The following CTNNA2 variants were observed in gnomAD, a reference collection of about 807,000 sequenced individuals.
CTNNA2 encodes catenin alpha 2.
CTNNA2 carries 42 observed loss-of-function variants against 101.0 expected under a neutral mutation model. That is an observed-to-expected ratio of 0.42 (90% CI 0.32 to 0.54). The LOEUF is 0.54. Among genes scored for constraint, CTNNA2 ranks in the 20% least tolerant of loss-of-function variants. The pLI is 0.14. For synonymous variants in CTNNA2, 450 were observed against 456.4 expected (o/e 0.99, Z 0.18); for missense variants, 871 against 1,223.1 (o/e 0.71, Z 4.29).
chr2:79,277,266 A>G (rs746568778), intron 2 of CTNNA2, among the ~76,000 whole-genome samples: 5 of 152,034 alleles, frequency 3.3e-5, no homozygotes, highest in African/African-American at 7.2e-5. Context: ...ATTAAAAGCT[A>G]TTTATCTTTC....
At chr2:80,396,246 C>A (rs1386334108) in intron 8 of CTNNA2, among the ~76,000 whole-genome samples, 2 of 152,150 alleles carry the variant, frequency 1.3e-5, no homozygotes, top group East Asian at 3.9e-4. Flanking sequence ...CCCAAAGGTA[C>A]CATTTAAAAC....
chr2:80,037,554 C>A (rs1190263831), intron 7 of CTNNA2, among the ~76,000 whole-genome samples: 2 of 152,168 alleles, frequency 1.3e-5, no homozygotes, highest in Non-Finnish European at 2.9e-5. Context: ...AATGCCTAGT[C>A]TGTGACTGTG....
At chr2:80,155,182 A>G (rs1460225524) in intron 7 of CTNNA2, among the ~76,000 whole-genome samples, 1 of 152,210 alleles carries the variant, frequency 6.6e-6, no homozygotes, top group Non-Finnish European at 1.5e-5. Context: ...TAGAAAAGAA[A>G]CAATCTCTTG....
At chr2:79,522,631 C>T (rs1411729119) in intron 1 of CTNNA2, among the ~76,000 whole-genome samples, 1 of 152,124 alleles carries the variant, frequency 6.6e-6, no homozygotes, top group Non-Finnish European at 1.5e-5. Context: ...CTGTCTTGGT[C>T]TGGGAACTGG....
intron 3 of CTNNA2, among the ~76,000 whole-genome samples, chr2:79,320,947 G>T (rs1676607226): frequency 6.6e-6 from 1 of 152,170 alleles, no homozygotes; most frequent in African/African-American, 2.4e-5. Context: ...GACTAACTGT[G>T]TGTTTAACTT....
intron 9 of CTNNA2, among the ~76,000 whole-genome samples, chr2:80,531,708 C>T (rs1332464267): frequency 6.6e-6 from 1 of 152,114 alleles, no homozygotes; most frequent in African/African-American, 2.4e-5. Flanking sequence ...TTTAAGGAGA[C>T]CTGGGAGGGG....
intron 3 of CTNNA2, among the ~76,000 whole-genome samples, chr2:79,345,582 G>A (rs895605972): frequency 2.6e-5 from 4 of 152,136 alleles, no homozygotes; most frequent in East Asian, 3.9e-4. Context: ...ATTAGTCACG[G>A]TAAAGCATAA....
At chr2:79,720,822 A>C (rs1686432979) in intron 2 of CTNNA2, among the ~76,000 whole-genome samples, 1 of 152,012 alleles carries the variant, frequency 6.6e-6, no homozygotes, top group African/African-American at 2.4e-5. Flanking sequence ...ATCTTCAGGG[A>C]AGATAGTTTT....
intron 2 of CTNNA2, among the ~76,000 whole-genome samples, chr2:79,288,804 A>G (rs1208518632): frequency 6.6e-6 from 1 of 152,204 alleles, no homozygotes; most frequent in Non-Finnish European, 1.5e-5. Context: ...TGCCATATTA[A>G]AAGAGTGAAG....
intron 2 of CTNNA2, among the ~76,000 whole-genome samples, chr2:79,260,687 G>A (rs375136023): frequency 2.0e-5 from 3 of 152,042 alleles, no homozygotes; most frequent in African/African-American, 7.2e-5. Context: ...CTGGTGCCCC[G>A]GGTGGTTAGA....
At chr2:79,857,920 A>G (rs1472535275) in intron 3 of CTNNA2, 93 bp from the exon 4 acceptor site, 4 of 1,350,870 alleles carry the variant, frequency 3.0e-6, no homozygotes, top group African/African-American at 1.4e-5. Flanking sequence ...GAGTTTTGCA[A>G]TAAAAACAGT....
intron 2 of CTNNA2, among the ~76,000 whole-genome samples, chr2:79,273,949 C>T (rs1675147455): frequency 1.3e-5 from 2 of 151,996 alleles, no homozygotes; most frequent in Non-Finnish European, 2.9e-5. Context: ...ATCTGAGCAC[C>T]TTGGAGGCAT....
chr2:79,226,464 C>T (rs1558579557), intron 2 of CTNNA2, among the ~76,000 whole-genome samples: 3 of 141,062 alleles, frequency 2.1e-5, no homozygotes, highest in Non-Finnish European at 3.1e-5. Flanking sequence ...TTTGTGGCCA[C>T]GTTTGCCAGT....
intron 9 of CTNNA2, among the ~76,000 whole-genome samples, chr2:80,531,535 A>G (rs896072213): frequency 1.5e-4 from 23 of 152,230 alleles, no homozygotes; most frequent in African/African-American, 5.3e-4. Flanking sequence ...GCCAGATGGC[A>G]GTACTGACTC....
At chr2:80,600,042 T>C (rs1358016567) in intron 15 of CTNNA2, among the ~76,000 whole-genome samples, 1 of 151,638 alleles carries the variant, frequency 6.6e-6, no homozygotes, top group Non-Finnish European at 1.5e-5. Context: ...TTATATTTTA[T>C]AGTAATACAT....
chr2:79,328,690 G>C (rs1676803320), intron 3 of CTNNA2, among the ~76,000 whole-genome samples: 1 of 152,172 alleles, frequency 6.6e-6, no homozygotes, highest in Non-Finnish European at 1.5e-5. Flanking sequence ...ATATAAAAGG[G>C]AGAAGAGGTT....
chr2:79,740,744 G>C (rs1671234034), intron 2 of CTNNA2, among the ~76,000 whole-genome samples: 1 of 152,156 alleles, frequency 6.6e-6, no homozygotes, highest in Non-Finnish European at 1.5e-5. Context: ...GAGGAGACTG[G>C]TGAGTTCTCA....
chr2:80,026,784 C>G (rs887217678), intron 7 of CTNNA2, among the ~76,000 whole-genome samples: 1 of 152,152 alleles, frequency 6.6e-6, no homozygotes, highest in Non-Finnish European at 1.5e-5. Flanking sequence ...ACAAATAAAT[C>G]TATTCACTAT....
chr2:80,508,282 TG>T (rs1688427616), intron 9 of CTNNA2, among the ~76,000 whole-genome samples: 2 of 152,080 alleles, frequency 1.3e-5, no homozygotes, highest in Non-Finnish European at 2.9e-5. Context: ...AACACCAGCC[TG>T]GGTAATATGG....
Sources: allele counts gnomAD v4.1 joint callset (sites outside exome capture counted in the v4.1 genomes callset), GRCh38; gene constraint gnomAD v4.1.1; transcripts MANE v1.5; gene names NCBI Gene and HGNC (gene_info 2026-07-23, HGNC 2026-07-21).